SEC23IP: variants seen among roughly 807,000 people sequenced by gnomAD.
The protein encoded by SEC23IP is SEC23 interacting protein.
Under a neutral mutation model 113.4 loss-of-function variants are expected in SEC23IP, and 70 were observed. The observed-to-expected ratio is 0.62, with a 90% CI of 0.51 to 0.75. The LOEUF is 0.75. SEC23IP is among the 30% of genes least tolerant of loss of function. The pLI, the probability that SEC23IP is intolerant of heterozygous loss-of-function variation, is 0.00. For missense variants in SEC23IP, 1,160 were observed against 1,204.9 expected, an observed-to-expected ratio of 0.96 and a Z score of 0.55; for synonymous variants, 398 against 421.0, an observed-to-expected ratio of 0.95 and a Z score of 0.67.
rs1020743042 is a variant in SEC23IP, at chr10:119,914,798, T to C, written c.1381T>C (p.Phe461Leu). 3.1e-6 allele frequency: 5 copies of C among 1,614,046 alleles called. No homozygotes were observed. The highest frequency in any genetic ancestry group is 4.2e-6 in the Non-Finnish European group (5 of 1,179,890). Residue 461 changes from phenylalanine to leucine, a missense_variant, in exon 7 of 19, where the codon TTT becomes CTT. By Grantham distance (22) the Phe-to-Leu change is conservative (BLOSUM62 0). Coordinates refer to ENST00000369075, the MANE Select transcript of SEC23IP (RefSeq NM_007190.4). ...HGIGPVCDLRFRSIIECVDDF... is the reference protein window; with the variant it reads ...HGIGPVCDLRLRSIIECVDDF... ...CATTGGACCTGTGTGTGACTTACGC[T>C]TTAGGAGCATTATTGAGTGTGGTAA...
intron 8 of SEC23IP, among the ~76,000 whole-genome samples, chr10:119,916,450 A>G (rs541018074): frequency 5.3e-5 from 8 of 152,378 alleles, no homozygotes; most frequent in African/African-American, 1.9e-4. Context: ...AGAATCATAA[A>G]TACAGGTAAT....
intron 18 of SEC23IP, among the ~76,000 whole-genome samples, chr10:119,937,829 G>T (rs1589854591): frequency 2.0e-5 from 3 of 151,750 alleles, no homozygotes; most frequent in African/African-American, 7.2e-5. Flanking sequence ...GTACCCTTTT[G>T]TCATTGGTTT....
intron 16 of SEC23IP, 92 bp downstream of exon 16, chr10:119,932,410 C>G: frequency 1.0e-6 from 1 of 995,516 alleles, no homozygotes; most frequent in East Asian, 2.6e-5. Context: ...CCTTTCTAGA[C>G]TTTTTGGTTA....
chr10:119,932,006 T>C (rs4752352), intron 15 of SEC23IP, 127 bp from the exon 16 acceptor site: 112,791 of 591,406 alleles, frequency 0.19, 11,659 homozygotes, highest in Admixed American at 0.22. Context: ...GCACTCCGTA[T>C]ATTTGACATT....
intron 4 of SEC23IP, among the ~76,000 whole-genome samples, chr10:119,908,388 C>T (rs750623650): frequency 4.6e-5 from 7 of 152,286 alleles, no homozygotes; most frequent in Admixed American, 1.3e-4. Flanking sequence ...TGTGTCTCCC[C>T]ATCCCCCAAA....
chr10:119,911,982 T>C, intron 5 of SEC23IP, 62 bp from the exon 6 acceptor site: 5 of 1,593,682 alleles, frequency 3.1e-6, no homozygotes, highest in Non-Finnish European at 3.4e-6. Context: ...GTTAAACTAC[T>C]TAGCCTGTAG....
At chr10:119,921,806 G>A (rs1855258722) in intron 12 of SEC23IP, among the ~76,000 whole-genome samples, 1 of 152,198 alleles carries the variant, frequency 6.6e-6, no homozygotes, top group Admixed American at 6.5e-5. Flanking sequence ...CGTCTTATTT[G>A]TATTGTTATT....
At chr10:119,912,307 A>C in intron 6 of SEC23IP, 143 bp downstream of exon 6, 9 of 945,832 alleles carry the variant, frequency 9.5e-6, no homozygotes, top group Non-Finnish European at 1.4e-5. Flanking sequence ...TAATATTTCT[A>C]TTTTTTGTAG....
At chr10:119,903,586 G>T (rs529640925) in intron 3 of SEC23IP, among the ~76,000 whole-genome samples, 121 of 152,170 alleles carry the variant, frequency 8.0e-4, no homozygotes, top group Middle Eastern at 3.4e-3. Context: ...TTTAAAGTTT[G>T]CCCTAGCTGT....
intron 13 of SEC23IP, among the ~76,000 whole-genome samples, chr10:119,928,303 A>G (rs1855486324): frequency 6.6e-6 from 1 of 152,152 alleles, no homozygotes; most frequent in African/African-American, 2.4e-5. Flanking sequence ...TATTAAGGTT[A>G]TTAGCTCCTT....
chr10:119,903,134 C>G, intron 3 of SEC23IP, 125 bp downstream of exon 3: 2 of 750,144 alleles, frequency 2.7e-6, no homozygotes, highest in Middle Eastern at 3.7e-4. Flanking sequence ...GACTCTGTAC[C>G]TTAAGGTGAC....
Position 119,912,093 on chromosome 10 carries a change from C to A in SEC23IP, c.1241C>A (p.Thr414Lys), listed in dbSNP as rs142665854. 1 of 1,613,906 alleles carries A rather than the reference C, an allele frequency of 6.2e-7. No homozygotes were observed. Among genetic ancestry groups the A allele is most frequent in the Non-Finnish European group, 8.5e-7 (1 of 1,179,974 alleles). ...TCAGTGCCAGATGAATGGGGCACCACGCAAGATGGACAGACAAGGCCCAGG... is the reference window on the plus strand; with the variant it reads ...TCAGTGCCAGATGAATGGGGCACCAAGCAAGATGGACAGACAAGGCCCAGG... ...PSSVPDEWGTTQDGQTRPRVV... is the reference protein window; with the variant it reads ...PSSVPDEWGTKQDGQTRPRVV... The change falls in exon 6 of 19, where the codon ACG becomes AAG. Residue 414 changes from threonine to lysine, a missense_variant. Thr to Lys is a moderately conservative substitution (Grantham distance 78). Coordinates refer to ENST00000369075, the MANE Select transcript of SEC23IP (RefSeq NM_007190.4).
rs1854773869 is a variant in SEC23IP at position 119,909,091 on chromosome 10, G to A, written c.1152G>A (p.Glu384=). Reference sequence around the variant, plus strand: ...CTAATCAGTGGCACCGAAGATTAGAGTTTCCAAGTGGAGAGACAATTGTTA... The same window carrying A: ...CTAATCAGTGGCACCGAAGATTAGAATTTCCAAGTGGAGAGACAATTGTTA... ...VTTNQWHRRL[E]FPSGETIVMH... is the part of the protein sequence containing the mutation. Residue 384 remains glutamate, a synonymous_variant, in exon 5 of 19, where the codon GAG becomes GAA. Coordinates refer to ENST00000369075, the MANE Select transcript of SEC23IP (RefSeq NM_007190.4). 1.2e-6 allele frequency: 2 copies of A among 1,613,314 alleles called. No individual in the cohort carries two copies. The highest frequency in any genetic ancestry group is 1.7e-6 in the Non-Finnish European group (2 of 1,179,616).
chr10:119,920,757 T>C (rs1386946659), intron 11 of SEC23IP, 132 bp from the exon 12 acceptor site: 1 of 555,416 alleles, frequency 1.8e-6, no homozygotes, highest in Non-Finnish European at 3.1e-6. Flanking sequence ...AAATACAAAA[T>C]AACTAACTTG....
At chr10:119,928,267 T>C (rs1044584366) in intron 13 of SEC23IP, among the ~76,000 whole-genome samples, 1 of 152,236 alleles carries the variant, frequency 6.6e-6, no homozygotes, top group Admixed American at 6.5e-5. Context: ...CTTTTTTCCT[T>C]TACTGACATT....
intron 10 of SEC23IP, among the ~76,000 whole-genome samples, chr10:119,918,805 T>C (rs1363182081): frequency 6.6e-6 from 1 of 152,114 alleles, no homozygotes; most frequent in East Asian, 1.9e-4. Flanking sequence ...CTGAAACTGG[T>C]TTTACATATT....
Position 119,914,764 on chromosome 10 carries a change from G to A in SEC23IP, c.1347G>A (p.Val449=). Residue 449 remains valine, a synonymous_variant, in exon 7 of 19, where the codon GTG becomes GTA. Transcript: ENST00000369075. ...EMPQVDHLVF[V]VHGIGPVCDL... is the part of the protein sequence containing the mutation. ...CTCAAGTTGACCATTTGGTGTTTGT[G>A]GTGCATGGCATTGGACCTGTGTGTG... 1 of 1,614,068 alleles carries A rather than the reference G, an allele frequency of 6.2e-7. No homozygotes were observed. Among genetic ancestry groups the A allele is most frequent in the Admixed American group, 1.7e-5 (1 of 60,000 alleles).
At chr10:119,918,288 A>G in intron 9 of SEC23IP, 105 bp from the exon 10 acceptor site, 1 of 744,926 alleles carries the variant, frequency 1.3e-6, no homozygotes, top group Non-Finnish European at 2.2e-6. Flanking sequence ...CAGGTCTTGA[A>G]TAACATGTAA....
At chr10:119,903,037 T>C in intron 3 of SEC23IP, 28 bp downstream of exon 3, 1 of 1,546,300 alleles carries the variant, frequency 6.5e-7, no homozygotes, top group Non-Finnish European at 8.9e-7. Flanking sequence ...ATCATTCATA[T>C]CTGATTTTAG....
Sources: gnomAD v4.1 joint callset for allele counts (sites outside exome capture counted in the v4.1 genomes callset) on GRCh38, gnomAD v4.1.1 for gene constraint, MANE v1.5 for transcripts, NCBI Gene and HGNC (gene_info 2026-07-23, HGNC 2026-07-21) for gene names.